FOXP2: variants seen among roughly 807,000 people sequenced by gnomAD.
FOXP2 encodes forkhead box P2, also known as forkhead box protein P2.
In FOXP2, 12 loss-of-function variants were observed where a neutral mutation model predicts 115.8. The observed-to-expected ratio is 0.10, with a 90% CI of 0.07 to 0.17. The LOEUF (loss-of-function observed/expected upper bound fraction) is 0.17. Among genes scored for constraint, FOXP2 ranks in the 10% least tolerant of loss-of-function variants. FOXP2 has a pLI of 1.00. For missense variants in FOXP2, 629 were observed against 843.5 expected (o/e 0.75, Z 3.15); for synonymous variants, 328 against 297.7 (o/e 1.10, Z -1.05).
chr7:114,678,550 T>G (rs891506524), intron 16 of FOXP2, among the ~76,000 whole-genome samples: 1 of 137,490 alleles, frequency 7.3e-6, no homozygotes, highest in African/African-American at 2.6e-5. Context: ...AGTGACTCTT[T>G]TTTTTTTTTT....
intron 2 of FOXP2, among the ~76,000 whole-genome samples, chr7:114,519,550 G>A (rs1049807080): frequency 6.6e-6 from 1 of 152,118 alleles, no homozygotes; most frequent in Non-Finnish European, 1.5e-5. Flanking sequence ...TCAACATAAA[G>A]ATGATCAGAG....
At chr7:114,504,013 G>A (rs942851376) in intron 2 of FOXP2, among the ~76,000 whole-genome samples, 14 of 151,518 alleles carry the variant, frequency 9.2e-5, no homozygotes, top group African/African-American at 3.4e-4. Flanking sequence ...AAGTTCAAAT[G>A]CCAAATATGA....
At chr7:114,249,339 G>C (rs1392364805) in intron 1 of FOXP2, among the ~76,000 whole-genome samples, 1 of 152,104 alleles carries the variant, frequency 6.6e-6, no homozygotes, top group Non-Finnish European at 1.5e-5. Flanking sequence ...ACATGCATTA[G>C]CTGTTTTTCC....
At chr7:114,358,731 T>A (rs1791674149) in intron 2 of FOXP2, among the ~76,000 whole-genome samples, 1 of 152,114 alleles carries the variant, frequency 6.6e-6, no homozygotes, top group South Asian at 2.1e-4. Flanking sequence ...TTGAGAGAGA[T>A]GATTTAGGGT....
chr7:114,675,848 T>C (rs1807723223), intron 16 of FOXP2, among the ~76,000 whole-genome samples: 1 of 151,908 alleles, frequency 6.6e-6, no homozygotes, highest in African/African-American at 2.4e-5. Flanking sequence ...CATAACAGTA[T>C]ATAAGAGGTA....
intron 1 of FOXP2, among the ~76,000 whole-genome samples, chr7:114,189,995 G>T (rs551671177): frequency 1.3e-5 from 2 of 152,014 alleles, no homozygotes; most frequent in Non-Finnish European, 2.9e-5. Context: ...GTAACAAGGG[G>T]AAAAAAGAAG....
At chr7:114,135,503 A>G (rs1416313402) in intron 1 of FOXP2, among the ~76,000 whole-genome samples, 1 of 152,084 alleles carries the variant, frequency 6.6e-6, no homozygotes, top group African/African-American at 2.4e-5. Context: ...AGCTTCTTTC[A>G]CACTTTCATT....
intron 2 of FOXP2, among the ~76,000 whole-genome samples, chr7:114,381,671 A>G (rs1315344271): frequency 5.9e-5 from 9 of 152,190 alleles, no homozygotes; most frequent in Admixed American, 5.2e-4. Context: ...AGCTGGGTAT[A>G]GAGGAACAAC....
intron 6 of FOXP2, among the ~76,000 whole-genome samples, 175 bp downstream of exon 6, chr7:114,631,880 C>A (rs1382316263): frequency 6.6e-6 from 1 of 152,140 alleles, no homozygotes; most frequent in African/African-American, 2.4e-5. Flanking sequence ...GAAATTTTAC[C>A]ATATACTGCT....
At chr7:114,417,648 G>A (rs1562913605) in intron 1 of FOXP2, among the ~76,000 whole-genome samples, 1 of 151,880 alleles carries the variant, frequency 6.6e-6, no homozygotes, top group Non-Finnish European at 1.5e-5. Flanking sequence ...GTTCACACCA[G>A]CCCTTTGGGT....
rs57150269 is a variant in FOXP2, at chr7:114,407,458, A to G, written c.-10-19044A>G. Among the ~76,000 whole-genome samples, 1,101 of 152,210 alleles carry G rather than the reference A, an allele frequency of 7.2e-3. 15 individuals carry two copies. The highest frequency in any genetic ancestry group is 0.025 in the African/African-American group (1,040 of 41,560). On this transcript the variant is annotated intron_variant, in intron 2 of 17. Transcript: ENST00000634411. ...CATAAACAACAAACCTGGTGCTAAC[A>G]GTAGTCTGCACTGTGGACTTTTTAA... is the stretch of plus-strand genomic sequence containing the variant.
At chr7:114,592,235 C>G (rs1802475281) in intron 3 of FOXP2, among the ~76,000 whole-genome samples, 1 of 151,958 alleles carries the variant, frequency 6.6e-6, no homozygotes, top group African/African-American at 2.4e-5. Flanking sequence ...AAGACATTCC[C>G]TATTTACGTA....
intron 2 of FOXP2, among the ~76,000 whole-genome samples, chr7:114,432,671 G>A (rs1454794306): frequency 6.6e-6 from 1 of 151,748 alleles, no homozygotes; most frequent in Non-Finnish European, 1.5e-5. Flanking sequence ...TTAACTATTA[G>A]GTCTTGGGGC....
chr7:114,195,444 A>G (rs573182076), intron 1 of FOXP2, among the ~76,000 whole-genome samples: 1 of 152,246 alleles, frequency 6.6e-6, no homozygotes, highest in Admixed American at 6.5e-5. Context: ...ATTGCTGCTT[A>G]TGACAGCTTT....
At chr7:114,281,347 C>T (rs941330017) in intron 1 of FOXP2, among the ~76,000 whole-genome samples, 1 of 152,074 alleles carries the variant, frequency 6.6e-6, no homozygotes, top group East Asian at 1.9e-4. Flanking sequence ...AGTGATCCAC[C>T]CTCCTTGGCC....
intron 2 of FOXP2, among the ~76,000 whole-genome samples, chr7:114,288,667 C>A (rs1796521389): frequency 6.6e-6 from 1 of 151,566 alleles, no homozygotes; most frequent in Non-Finnish European, 1.5e-5. Context: ...CTTTAAATCT[C>A]ATGATAGTTT....
At chr7:114,214,077 T>C (rs1395576341) in intron 1 of FOXP2, among the ~76,000 whole-genome samples, 1 of 152,244 alleles carries the variant, frequency 6.6e-6, no homozygotes, top group African/African-American at 2.4e-5. Context: ...ATCAGTCTCA[T>C]CTTCAAGATT....
intron 1 of FOXP2, among the ~76,000 whole-genome samples, chr7:114,217,977 T>C (rs1446770626): frequency 6.6e-6 from 1 of 152,168 alleles, no homozygotes; most frequent in African/African-American, 2.4e-5. Context: ...TAGGCATGGA[T>C]GGCCATGATA....
chr7:114,632,331 G>T (rs1804965175), intron 6 of FOXP2, among the ~76,000 whole-genome samples: 1 of 152,108 alleles, frequency 6.6e-6, no homozygotes, highest in Admixed American at 6.5e-5. Flanking sequence ...AAAATTTGGA[G>T]GTACTCTGAT....
Sources: gnomAD v4.1 joint callset for allele counts (sites outside exome capture counted in the v4.1 genomes callset) on GRCh38, gnomAD v4.1.1 for gene constraint, MANE v1.5 for transcripts, NCBI Gene and HGNC (gene_info 2026-07-23, HGNC 2026-07-21) for gene names.